KLRG2: variants seen among roughly 807,000 people sequenced by gnomAD.
The protein encoded by KLRG2 is killer cell lectin-like receptor subfamily G member 2.
In KLRG2, 39 loss-of-function variants were observed where a neutral mutation model predicts 35.4. That is an observed-to-expected ratio of 1.10 (90% confidence interval 0.85 to 1.44). KLRG2 has a LOEUF of 1.44. Ranked by LOEUF, KLRG2 falls within the 40% of genes most tolerant of loss-of-function variation. KLRG2 has a pLI of 0.00. For synonymous variants in KLRG2, 283 were observed against 265.8 expected (o/e 1.06, Z -0.63); for missense variants, 632 against 570.9 (o/e 1.11, Z -1.09).
rs188991931 is a variant in KLRG2 at position 139,466,813 on chromosome 7, T to G, written c.1006-12599A>C. On this transcript the variant is annotated intron_variant, in intron 3 of 4. Coordinates refer to ENST00000340940, the MANE Select transcript of KLRG2 (RefSeq NM_198508.4). ...ATGAACAGTGCTGTTTTTACCTAAA[T>G]CAATCTGGCCTGGTATATGACAACA... is the stretch of plus-strand genomic sequence containing the variant. Among the ~76,000 whole-genome samples, 694 of 148,516 alleles carry G rather than the reference T, an allele frequency of 4.7e-3. 3 individuals carry two copies. The highest frequency in any genetic ancestry group is 7.8e-3 in the Admixed American group (115 of 14,776).
Position 139,482,985 on chromosome 7 carries a change from G to C in KLRG2, c.658C>G (p.Arg220Gly), listed in dbSNP as rs979078330. The C allele has an allele frequency of 1.3e-5, 18 of 1,408,554 alleles. No homozygotes were observed. Among genetic ancestry groups the C allele is most frequent in the South Asian group, 1.6e-5 (1 of 64,094 alleles). The allele number at this position is 1,408,554 out of a possible 1,614,324, so 87.3% of individuals were successfully genotyped here. Residue 220 changes from arginine to glycine, a missense_variant, in exon 1 of 5, where the codon CGC (arginine) becomes GGC (glycine). Physicochemically the swap from Arg to Gly is moderately radical, Grantham distance 125. Transcript: ENST00000340940. The stretch of plus-strand genomic sequence containing the variant: ...TTCTCCAGCCCCAGCTCCTTGCAGC[G>C]GCAGCACGTGGGGGAGCCCGGGGAG... ...AGSPGSPTCC[R>G]CKELGLEKED...
the KLRG2 span, among the ~76,000 whole-genome samples, chr7:139,435,385 G>A: frequency 6.6e-6 from 1 of 152,204 alleles, no homozygotes; most frequent in Non-Finnish European, 1.5e-5. Context: ...AGCTATTCGG[G>A]AGGGTGAGGC....
At chr7:139,470,855 T>A (rs1585172724) in intron 3 of KLRG2, among the ~76,000 whole-genome samples, 1 of 151,604 alleles carries the variant, frequency 6.6e-6, no homozygotes, top group African/African-American at 2.4e-5. Flanking sequence ...TTTTTTTTTT[T>A]AATTTGAGAC....
chr7:139,446,999 G>A, the KLRG2 span, among the ~76,000 whole-genome samples: 7 of 151,648 alleles, frequency 4.6e-5, no homozygotes, highest in Non-Finnish European at 1.0e-4. Context: ...CAGCCTCTTC[G>A]GGTTGGTCCT....
At chr7:139,459,774 G>C (rs764338284) in intron 3 of KLRG2, among the ~76,000 whole-genome samples, 1 of 150,682 alleles carries the variant, frequency 6.6e-6, no homozygotes, top group Non-Finnish European at 1.5e-5. Context: ...TTTTTGAGAC[G>C]GAGTTTTACT....
Position 139,479,785 on chromosome 7 carries a change from A to G in KLRG2, c.860-13T>C. 1 of 1,612,128 alleles carries G rather than the reference A, an allele frequency of 6.2e-7. No individual in the cohort carries two copies. The highest frequency in any genetic ancestry group is 8.5e-7 in the Non-Finnish European group (1 of 1,179,074). ...TGGCATCTGGCTCCTGCAAGCACAGAGACTGCTGGTGAGCTGCAGGGTAAG... is the reference window on the plus strand; with the variant it reads ...TGGCATCTGGCTCCTGCAAGCACAGGGACTGCTGGTGAGCTGCAGGGTAAG... On this transcript the variant is annotated splice_polypyrimidine_tract_variant and intron_variant, in intron 2 of 4. Coordinates refer to ENST00000340940, the MANE Select transcript of KLRG2 (RefSeq NM_198508.4).
chr7:139,458,464 A>T (rs1796514425), intron 3 of KLRG2, among the ~76,000 whole-genome samples: 1 of 152,188 alleles, frequency 6.6e-6, no homozygotes, highest in Admixed American at 6.5e-5. Flanking sequence ...GTTCAAGGGC[A>T]TGAAGTATAT....
chr7:139,463,948 GC>G (rs1162865804), intron 3 of KLRG2, among the ~76,000 whole-genome samples: 1 of 152,114 alleles, frequency 6.6e-6, no homozygotes, highest in Admixed American at 6.6e-5. Context: ...TGACGGCCAG[GC>G]TTCTAGACCT....
At chr7:139,431,683 T>C in the KLRG2 span, among the ~76,000 whole-genome samples, 1 of 152,040 alleles carries the variant, frequency 6.6e-6, no homozygotes, top group East Asian at 1.9e-4. Flanking sequence ...TAATGTTGAG[T>C]GTCAGTTTCA....
chr7:139,474,250 T>A (rs1447706442), intron 3 of KLRG2, among the ~76,000 whole-genome samples: 1 of 152,072 alleles, frequency 6.6e-6, no homozygotes, highest in Non-Finnish European at 1.5e-5. Flanking sequence ...GATCTCGAAC[T>A]CCTGACCTCA....
chr7:139,455,544 AT>A (rs1248780740), intron 3 of KLRG2, among the ~76,000 whole-genome samples: 2 of 151,048 alleles, frequency 1.3e-5, no homozygotes, highest in Non-Finnish European at 2.9e-5. Flanking sequence ...GATGGTCTCG[AT>A]CTCCTGACCT....
At position 139,483,241 on chromosome 7, in the gene KLRG2, G is replaced by A; in HGVS notation, c.402C>T (p.Gly134=). The A allele has an allele frequency of 1.3e-6, 2 of 1,546,200 alleles. No homozygotes were observed. The highest frequency in any genetic ancestry group is 2.5e-5 in the East Asian group (1 of 39,472). Residue 134 remains glycine (G), a synonymous_variant, in exon 1 of 5, where the codon GGC becomes GGT. Transcript: ENST00000340940. The stretch of plus-strand genomic sequence containing the variant: ...ATGGCGTGCTGCTGCCACCGGCCGC[G>A]CCCACGGGCTTCACGCGCACATCTA... ...LQVDVRVKPV[G]AAGGSSTPSP...
At chr7:139,437,446 A>G in the KLRG2 span, among the ~76,000 whole-genome samples, 1 of 146,212 alleles carries the variant, frequency 6.8e-6, no homozygotes, top group Non-Finnish European at 1.5e-5. Context: ...AAAAAAAAAA[A>G]AAAAAATTCA....
At chr7:139,435,229 C>T in the KLRG2 span, among the ~76,000 whole-genome samples, 2 of 152,188 alleles carry the variant, frequency 1.3e-5, no homozygotes, top group Non-Finnish European at 2.9e-5. Context: ...GTGGCTCACG[C>T]CTGTAATCCC....
chr7:139,454,104 C>A lies in KLRG2; in HGVS notation c.1109+7G>T. The A allele has an allele frequency of 1.3e-6, 2 of 1,484,256 alleles. No homozygotes were observed. 91.9% of individuals were successfully genotyped at this position (1,484,256 alleles called of 1,614,324 possible). A position where few individuals can be genotyped will look rare whatever the true frequency, so the allele number is the denominator to read the frequency against. ...CAGAGGAGGGAGAAAAGCCCGTGGTCACTCACAGCTGGGGCGGGAGTGGGG... is the reference window on the plus strand; with the variant it reads ...CAGAGGAGGGAGAAAAGCCCGTGGTAACTCACAGCTGGGGCGGGAGTGGGG... On this transcript the variant is annotated splice_region_variant and intron_variant, in intron 4 of 4. Transcript: ENST00000340940.
the KLRG2 span, among the ~76,000 whole-genome samples, chr7:139,434,106 T>C: frequency 6.6e-6 from 1 of 152,184 alleles, no homozygotes; most frequent in Non-Finnish European, 1.5e-5. Flanking sequence ...GAAGTTAAAA[T>C]AGAGTATGTT....
At chr7:139,439,790 T>C in the KLRG2 span, among the ~76,000 whole-genome samples, 2 of 152,166 alleles carry the variant, frequency 1.3e-5, no homozygotes, top group African/African-American at 4.8e-5. Flanking sequence ...TTCCCAGGAC[T>C]ATCGTAACAA....
the KLRG2 span, among the ~76,000 whole-genome samples, chr7:139,439,624 C>G: frequency 6.6e-6 from 1 of 152,248 alleles, no homozygotes; most frequent in South Asian, 2.1e-4. Context: ...CCTCAAGACA[C>G]TTAGTAGTTC....
downstream of KLRG2, among the ~76,000 whole-genome samples, chr7:139,448,533 T>C (rs28815198): frequency 0.28 from 42,309 of 151,890 alleles, 6,828 homozygotes; most frequent in African/African-American, 0.45. Flanking sequence ...AAAAATATGG[T>C]GTAAAAGATA....
Sources: allele counts gnomAD v4.1 joint callset (sites outside exome capture counted in the v4.1 genomes callset), GRCh38; gene constraint gnomAD v4.1.1; transcripts MANE v1.5; gene names NCBI Gene and HGNC (gene_info 2026-07-23, HGNC 2026-07-21).